The following SCEL variants were observed in gnomAD, a reference collection of about 807,000 sequenced individuals.
SCEL encodes sciellin.
A neutral mutation model predicts 117.6 loss-of-function variants in SCEL; 113 were observed. The ratio of observed to expected loss-of-function variants is 0.96; its 90% CI spans 0.83 to 1.12. The LOEUF (loss-of-function observed/expected upper bound fraction) is 1.12, where lower values mean the gene tolerates loss of function less well. Ranked by LOEUF, SCEL falls within the 50% of genes most tolerant of loss-of-function variation. The pLI is 0.00. For synonymous variants in SCEL, 270 were observed against 256.2 expected, an observed-to-expected ratio of 1.05 and a Z score of -0.51; for missense variants, 785 against 810.8, an observed-to-expected ratio of 0.97 and a Z score of 0.39.
intron 19 of SCEL, among the ~76,000 whole-genome samples, chr13:77,604,953 A>T (rs2088029189): frequency 6.6e-6 from 1 of 151,842 alleles, no homozygotes; most frequent in Non-Finnish European, 1.5e-5. Context: ...TGTGTGGGAT[A>T]TTTGTGTGTA....
chr13:77,543,984 C>A (rs926693447), intron 1 of SCEL, among the ~76,000 whole-genome samples: 3 of 152,138 alleles, frequency 2.0e-5, no homozygotes, highest in African/African-American at 7.2e-5. Context: ...TCGACCACTG[C>A]CCACATTTCC....
chr13:77,565,395 C>T (rs2085233187), intron 5 of SCEL, among the ~76,000 whole-genome samples: 1 of 152,178 alleles, frequency 6.6e-6, no homozygotes, highest in African/African-American at 2.4e-5. Flanking sequence ...CAATATAGCT[C>T]AAGCCCTTCA....
intron 11 of SCEL, 63 bp downstream of exon 11, chr13:77,591,523 C>T: frequency 1.1e-6 from 1 of 951,210 alleles, no homozygotes; most frequent in Non-Finnish European, 1.6e-6. Flanking sequence ...TTTCTCAGCA[C>T]ATTAAAAAAT....
intron 1 of SCEL, among the ~76,000 whole-genome samples, chr13:77,538,422 A>C (rs1297428769): frequency 6.6e-6 from 1 of 152,134 alleles, no homozygotes; most frequent in Non-Finnish European, 1.5e-5. Context: ...GGCCTTAATC[A>C]AAAGTCTTTA....
rs116845514 is a variant in SCEL, at chr13:77,546,720, C to T, written c.-19-9137C>T. ...AAGGAAAAGAAATCTCTTAAACAAACGAGGCGGTTTATTTTTCTCTTGGAA... is the reference window on the plus strand; with the variant it reads ...AAGGAAAAGAAATCTCTTAAACAAATGAGGCGGTTTATTTTTCTCTTGGAA... On this transcript the variant is annotated intron_variant, in intron 1 of 32. Transcript: ENST00000349847. Among the ~76,000 whole-genome samples, 20 of 151,248 alleles carry T rather than the reference C, an allele frequency of 1.3e-4. No homozygotes were observed. The East Asian group carries it at 3.1e-3, about 23-fold the overall frequency.
At chr13:77,627,298 T>C (rs1038206915) in intron 27 of SCEL, among the ~76,000 whole-genome samples, 1 of 152,174 alleles carries the variant, frequency 6.6e-6, no homozygotes, top group Admixed American at 6.5e-5. Context: ...TGCAGGACTT[T>C]TGTGAGATCT....
In SCEL at chr13:77,610,944, C is replaced by T. The variant is rs187220830; in HGVS notation, c.1337+838C>T. Among the ~76,000 whole-genome samples the T allele has an allele frequency of 2.0e-3, 307 of 152,218 alleles. 1 individual carries two copies. Among genetic ancestry groups the T allele is most frequent in the African/African-American group, 7.2e-3 (297 of 41,516 alleles). Reference sequence around the variant, plus strand: ...TAAATAAACAGGCATAACAAAACCACCAGCTTGTAAATGTATATTGTTATA... The same window carrying T: ...TAAATAAACAGGCATAACAAAACCATCAGCTTGTAAATGTATATTGTTATA... On this transcript the variant is annotated intron_variant, in intron 22 of 32. Coordinates refer to ENST00000349847, the MANE Select transcript of SCEL (RefSeq NM_144777.3).
intron 9 of SCEL, among the ~76,000 whole-genome samples, chr13:77,585,235 T>C (rs1326913050): frequency 1.3e-5 from 2 of 152,172 alleles, no homozygotes; most frequent in African/African-American, 2.4e-5. Flanking sequence ...TAATCCAGAA[T>C]AGTGTGATAT....
chr13:77,607,465 G>T (rs1392807067), intron 19 of SCEL, among the ~76,000 whole-genome samples: 1 of 152,020 alleles, frequency 6.6e-6, no homozygotes, highest in Non-Finnish European at 1.5e-5. Context: ...ATTGTTTGTT[G>T]CCAAAAACAA....
intron 1 of SCEL, among the ~76,000 whole-genome samples, chr13:77,543,082 C>CTTTTTTT (rs71203061): frequency 8.2e-6 from 1 of 122,474 alleles, no homozygotes; most frequent in African/African-American, 3.2e-5. Context: ...TCTACTTTAG[C>CTTTTTTT]TTTTTTTTTT....
chr13:77,546,099 T>G (rs2083972677), intron 1 of SCEL, among the ~76,000 whole-genome samples: 1 of 152,152 alleles, frequency 6.6e-6, no homozygotes, highest in Non-Finnish European at 1.5e-5. Context: ...TCAGGAACCA[T>G]GTCAGGCCAC....
At chr13:77,584,983 A>T (rs2086480420) in intron 9 of SCEL, among the ~76,000 whole-genome samples, 1 of 152,230 alleles carries the variant, frequency 6.6e-6, no homozygotes, top group South Asian at 2.1e-4. Flanking sequence ...GATTCAGCCA[A>T]GTACCTGGCA....
At chr13:77,562,960 G>A (rs1467584399) in intron 4 of SCEL, among the ~76,000 whole-genome samples, 2 of 152,058 alleles carry the variant, frequency 1.3e-5, no homozygotes, top group East Asian at 3.8e-4. Flanking sequence ...TAAATAATGG[G>A]GAATTCTCCA....
At chr13:77,563,683 T>C in intron 4 of SCEL, 148 bp from the exon 5 acceptor site, 1 of 550,808 alleles carries the variant, frequency 1.8e-6, no homozygotes, top group Non-Finnish European at 3.1e-6. Context: ...TTGGAAGATT[T>C]GGGTATTAGA....
intron 10 of SCEL, among the ~76,000 whole-genome samples, chr13:77,589,529 A>AAT (rs761290186): frequency 3.3e-5 from 5 of 152,200 alleles, no homozygotes; most frequent in African/African-American, 7.2e-5. Flanking sequence ...TACAAATATA[A>AAT]ATACATATAT....
intron 15 of SCEL, among the ~76,000 whole-genome samples, chr13:77,601,313 G>A (rs899864406): frequency 1.3e-5 from 2 of 152,132 alleles, no homozygotes; most frequent in African/African-American, 4.8e-5. Flanking sequence ...CTGAGTTTTG[G>A]TGCAGGAATA....
chr13:77,559,510 AAACAC>A (rs5804911), intron 3 of SCEL, among the ~76,000 whole-genome samples: 24,236 of 151,204 alleles, frequency 0.16, 2,177 homozygotes, highest in African/African-American at 0.25. Context: ...CAGTCTGATA[AAACAC>A]AACACAACAC....
chr13:77,616,595 G>A (rs182049031), intron 24 of SCEL, among the ~76,000 whole-genome samples: 1 of 152,096 alleles, frequency 6.6e-6, no homozygotes, highest in East Asian at 1.9e-4. Flanking sequence ...ATGGAGAGGT[G>A]AGAACCATGA....
chr13:77,620,163 G>A (rs1452839716), intron 27 of SCEL, among the ~76,000 whole-genome samples: 1 of 152,174 alleles, frequency 6.6e-6, no homozygotes, highest in African/African-American at 2.4e-5. Flanking sequence ...TAGTATGCCA[G>A]ATTTGATGAG....
Sources: allele counts gnomAD v4.1 joint callset (sites outside exome capture counted in the v4.1 genomes callset), GRCh38; gene constraint gnomAD v4.1.1; transcripts MANE v1.5; gene names NCBI Gene and HGNC (gene_info 2026-07-23, HGNC 2026-07-21).